The following PLXDC2 variants were observed in gnomAD, a reference collection of about 807,000 sequenced individuals.
PLXDC2 encodes the protein plexin domain-containing protein 2.
In PLXDC2, 40 loss-of-function variants were observed where a neutral mutation model predicts 68.9. That is an observed-to-expected ratio of 0.58 (90% CI 0.45 to 0.76). The LOEUF (loss-of-function observed/expected upper bound fraction) is 0.76, where lower values mean the gene tolerates loss of function less well. Ranked by LOEUF, PLXDC2 falls within the 30% of genes least tolerant of loss-of-function variation. PLXDC2 has a pLI of 0.00. For synonymous variants in PLXDC2, 243 were observed against 234.2 expected, an observed-to-expected ratio of 1.04 and a Z score of -0.34; for missense variants, 644 against 661.9, an observed-to-expected ratio of 0.97 and a Z score of 0.30.
chr10:20,047,816 C>A (rs1016245623), intron 3 of PLXDC2, among the ~76,000 whole-genome samples: 3 of 152,094 alleles, frequency 2.0e-5, no homozygotes, highest in Admixed American at 1.3e-4. Flanking sequence ...ATTCAGATAA[C>A]CTGCCCAAGG....
chr10:19,965,718 T>G (rs1362088312), intron 1 of PLXDC2, among the ~76,000 whole-genome samples: 18 of 135,504 alleles, frequency 1.3e-4, no homozygotes, highest in South Asian at 8.0e-4. Context: ...CAGTTTTTTT[T>G]GGGGGGGGGG....
chr10:20,140,205 C>T (rs1000504856), intron 4 of PLXDC2, among the ~76,000 whole-genome samples: 2 of 152,014 alleles, frequency 1.3e-5, no homozygotes, highest in African/African-American at 4.8e-5. Flanking sequence ...GAGGCTGAAG[C>T]AGGAGAATGG....
chr10:20,056,010 A>G (rs986585619), intron 3 of PLXDC2, among the ~76,000 whole-genome samples: 2 of 152,136 alleles, frequency 1.3e-5, no homozygotes, highest in Non-Finnish European at 2.9e-5. Flanking sequence ...TCAAAAGCAT[A>G]GGATTTGGCA....
chr10:19,892,852 T>C (rs1837988561), intron 1 of PLXDC2, among the ~76,000 whole-genome samples: 1 of 152,004 alleles, frequency 6.6e-6, no homozygotes, highest in Non-Finnish European at 1.5e-5. Context: ...TAGTATACAG[T>C]ACGAGCTAAG....
chr10:20,019,734 C>T (rs1269285164), intron 2 of PLXDC2, among the ~76,000 whole-genome samples: 1 of 152,142 alleles, frequency 6.6e-6, no homozygotes, highest in Non-Finnish European at 1.5e-5. Flanking sequence ...TATGTTGGCA[C>T]CTTGACACTG....
At chr10:20,139,955 T>C (rs1833980029) in intron 4 of PLXDC2, among the ~76,000 whole-genome samples, 1 of 151,890 alleles carries the variant, frequency 6.6e-6, no homozygotes, top group African/African-American at 2.4e-5. Context: ...TATACCTATG[T>C]AACAAACCTG....
intron 1 of PLXDC2, among the ~76,000 whole-genome samples, chr10:19,898,105 A>G (rs1194517661): frequency 6.6e-6 from 1 of 152,218 alleles, no homozygotes; most frequent in Non-Finnish European, 1.5e-5. Context: ...AAGTAGACAG[A>G]CAATTTAAAG....
intron 1 of PLXDC2, among the ~76,000 whole-genome samples, chr10:19,838,275 T>A (rs1260196977): frequency 6.6e-6 from 1 of 152,200 alleles, no homozygotes; most frequent in Non-Finnish European, 1.5e-5. Context: ...TATATAACTT[T>A]AAAAAATTTA....
chr10:19,973,589 C>T (rs1377968956), intron 1 of PLXDC2, among the ~76,000 whole-genome samples: 1 of 152,078 alleles, frequency 6.6e-6, no homozygotes, highest in Non-Finnish European at 1.5e-5. Context: ...GTAGACCCTA[C>T]AGAATCAAAA....
intron 1 of PLXDC2, among the ~76,000 whole-genome samples, chr10:20,001,260 CG>C (rs1324226057): frequency 6.6e-6 from 1 of 152,160 alleles, no homozygotes; most frequent in African/African-American, 2.4e-5. Flanking sequence ...CCCATTTACA[CG>C]AAGACAATTT....
intron 9 of PLXDC2, among the ~76,000 whole-genome samples, chr10:20,181,501 G>A (rs113335281): frequency 0.023 from 3,472 of 152,084 alleles, 57 homozygotes; most frequent in South Asian, 0.075. Flanking sequence ...TTCTTGACTC[G>A]GCGGCCAGGA....
intron 2 of PLXDC2, among the ~76,000 whole-genome samples, chr10:20,023,230 G>A (rs971955389): frequency 4.6e-5 from 7 of 151,738 alleles, no homozygotes; most frequent in South Asian, 4.2e-4. Flanking sequence ...ATAAATGATC[G>A]ATAAATAACT....
At chr10:20,128,554 T>C (rs1833823306) in intron 4 of PLXDC2, among the ~76,000 whole-genome samples, 2 of 152,148 alleles carry the variant, frequency 1.3e-5, no homozygotes, top group South Asian at 4.1e-4. Flanking sequence ...AAGTATGCAA[T>C]GCAGTATTAT....
At chr10:20,082,064 C>CAAAAAAAAAAAAAAAAAAAAAAAAAAA (rs1252447303) in intron 4 of PLXDC2, among the ~76,000 whole-genome samples, 2 of 70,142 alleles carry the variant, frequency 2.9e-5, no homozygotes, top group African/African-American at 1.1e-4. Context: ...AAAAAAAAAT[C>CAAAAAAAAAAAAAAAAAAAAAAAAAAA]AAAAAAAAAA....
At chr10:19,859,462 C>T (rs966787116) in intron 1 of PLXDC2, among the ~76,000 whole-genome samples, 4 of 151,974 alleles carry the variant, frequency 2.6e-5, no homozygotes, top group African/African-American at 9.7e-5. Context: ...TTTCATATTA[C>T]ATATTGAAAT....
At chr10:20,027,835 T>G (rs1017174762) in intron 2 of PLXDC2, among the ~76,000 whole-genome samples, 4 of 152,204 alleles carry the variant, frequency 2.6e-5, no homozygotes, top group Non-Finnish European at 4.4e-5. Flanking sequence ...CTAGATCTGA[T>G]ATCCATTAAG....
chr10:19,859,090 A>G (rs1340503513), intron 1 of PLXDC2, among the ~76,000 whole-genome samples: 1 of 151,970 alleles, frequency 6.6e-6, no homozygotes, highest in Non-Finnish European at 1.5e-5. Context: ...TTCAACAAAA[A>G]GTTCTCAGGG....
chr10:20,044,671 A>G (rs540205959), intron 2 of PLXDC2, among the ~76,000 whole-genome samples: 9 of 152,232 alleles, frequency 5.9e-5, no homozygotes, highest in Non-Finnish European at 1.2e-4. Flanking sequence ...CCATAGTAGC[A>G]AAATGGAGCC....
rs1835448291 is a variant in PLXDC2 at position 20,028,706 on chromosome 10, CA to C, written c.325-18162del. Among the ~76,000 whole-genome samples, 3 of 151,964 alleles carry C rather than the reference CA, an allele frequency of 2.0e-5. No homozygotes were observed. In the South Asian group the frequency reaches 6.3e-4, roughly 32 times the overall value. Reference sequence around the variant, plus strand: ...AGATTTTTTACAGCCTTTCTCATAACAGCCTCTTTCTCTTTTGCTCTTGTTG... The same window carrying C: ...AGATTTTTTACAGCCTTTCTCATAACGCCTCTTTCTCTTTTGCTCTTGTTG... On this transcript the variant is annotated intron_variant, in intron 2 of 13. Coordinates refer to ENST00000377252, the MANE Select transcript of PLXDC2 (RefSeq NM_032812.9).
Sources: allele counts gnomAD v4.1 joint callset (sites outside exome capture counted in the v4.1 genomes callset), GRCh38; gene constraint gnomAD v4.1.1; transcripts MANE v1.5; gene names NCBI Gene and HGNC (gene_info 2026-07-23, HGNC 2026-07-21).